Variants in ACSS2 observed in about 807,000 individuals in gnomAD.
ACSS2 encodes acetyl-coenzyme A synthetase, cytoplasmic.
In ACSS2, 58 loss-of-function variants were observed where a neutral mutation model predicts 90.6. The observed-to-expected ratio is 0.64, with a 90% confidence interval of 0.52 to 0.80. The LOEUF is 0.80. ACSS2 is among the 30% of genes least tolerant of loss of function. The probability of loss-of-function intolerance (pLI) is 0.00; values close to 1 mark genes in which losing one functional copy is unlikely to be tolerated. For missense variants in ACSS2, 759 were observed against 912.0 expected, an observed-to-expected ratio of 0.83 and a Z score of 2.16; for synonymous variants, 300 against 330.9, an observed-to-expected ratio of 0.91 and a Z score of 1.01.
intron 7 of ACSS2, among the ~76,000 whole-genome samples, chr20:34,916,957 G>A (rs1272087482): frequency 6.6e-6 from 1 of 152,080 alleles, no homozygotes; most frequent in African/African-American, 2.4e-5. Context: ...CAGAGCCTGG[G>A]GCCTCATAGG....
intron 6 of ACSS2, 46 bp downstream of exon 6, chr20:34,914,217 G>A: frequency 6.2e-7 from 1 of 1,611,976 alleles, no homozygotes; most frequent in Non-Finnish European, 8.5e-7. Context: ...CCTTTCCCCA[G>A]TGCCAGGTTC....
chr20:34,892,668 T>A (rs1293257731), intron 2 of ACSS2, among the ~76,000 whole-genome samples: 1 of 152,244 alleles, frequency 6.6e-6, no homozygotes, highest in African/African-American at 2.4e-5. Flanking sequence ...ATAAAGGGCT[T>A]AGTGCTTGGC....
At chr20:34,903,877 A>C (rs796757833) in intron 2 of ACSS2, among the ~76,000 whole-genome samples, 9 of 147,720 alleles carry the variant, frequency 6.1e-5, no homozygotes, top group African/African-American at 2.1e-4. Context: ...TCTCAAAAAA[A>C]AAAAAAAAAA....
Position 34,913,445 on chromosome 20 carries a change from TGTG to T in ACSS2, c.524_526del (p.Val175del). On this transcript the variant is annotated inframe_deletion, in exon 4 of 18. Coordinates refer to ENST00000360596, the MANE Select transcript of ACSS2 (RefSeq NM_018677.4). The stretch of plus-strand genomic sequence containing the variant: ...TCTACATGCCTATGATCCCAGAGCT[TGTG>T]GTGGCCATGCTGGCATGTGCCCGCA... 6.2e-7 allele frequency: 1 copy of T among 1,613,388 alleles called. No individual in the cohort carries two copies. Among genetic ancestry groups the T allele is most frequent in the African/African-American group, 1.3e-5 (1 of 74,760 alleles).
intron 1 of ACSS2, 53 bp from the exon 2 acceptor site, chr20:34,882,741 G>C: frequency 3.2e-6 from 5 of 1,565,174 alleles, no homozygotes; most frequent in Non-Finnish European, 4.4e-6. Context: ...GCCTTCTGAG[G>C]CTAAATATGT....
At chr20:34,884,197 C>T (rs1300203521) in intron 2 of ACSS2, among the ~76,000 whole-genome samples, 8 of 152,244 alleles carry the variant, frequency 5.3e-5, no homozygotes, top group East Asian at 3.9e-4. Flanking sequence ...TGAACTCAAG[C>T]GATCCACCTG....
rs1333937477 is a variant in ACSS2 at position 34,921,357 on chromosome 20, A to C, written c.1305A>C (p.Leu435Phe). Residue 435 changes from leucine to phenylalanine, a missense_variant, in exon 11 of 18, where the codon TTA (leucine) becomes TTC (phenylalanine). Physicochemically the swap from Leu to Phe is conservative, Grantham distance 22 (BLOSUM62 0). Coordinates refer to ENST00000360596, the MANE Select transcript of ACSS2 (RefSeq NM_018677.4). Reference sequence around the variant, plus strand: ...ATAGCCGGGCATCCTTGCAGGTGTTAGGCACAGTGGGTGAACCCATCAACC... The same window carrying C: ...ATAGCCGGGCATCCTTGCAGGTGTTCGGCACAGTGGGTGAACCCATCAACC... ...TKHSRASLQV[L>F]GTVGEPINPE... The C allele has an allele frequency of 6.2e-7, 1 of 1,614,054 alleles. No homozygotes were observed. Among genetic ancestry groups the C allele is most frequent in the African/African-American group, 1.3e-5 (1 of 74,930 alleles).
chr20:34,913,970 C>CT, intron 5 of ACSS2, 126 bp from the exon 6 acceptor site: 2 of 1,361,456 alleles, frequency 1.5e-6, no homozygotes, highest in Admixed American at 1.8e-5. Flanking sequence ...AGCTGACCCT[C>CT]TGTCAGCTCG....
At chr20:34,890,505 T>C (rs576223897) in intron 2 of ACSS2, among the ~76,000 whole-genome samples, 2 of 152,220 alleles carry the variant, frequency 1.3e-5, no homozygotes, top group East Asian at 3.9e-4. Context: ...TGGAGGACTG[T>C]CGGGGATTTG....
rs146341009 is a variant in ACSS2, at chr20:34,888,456, C to T, written c.374+5467C>T. On this transcript the variant is annotated intron_variant, in intron 2 of 17. Coordinates refer to ENST00000360596, the MANE Select transcript of ACSS2 (RefSeq NM_018677.4). ...TATTTATATTGGAACAGTGAGAAGA[C>T]CAAGCATGTTTAGAGTAAAAGGTTT... 1.1e-3 allele frequency among the ~76,000 whole-genome samples: 174 copies of T among 152,242 alleles called. 1 individual carries two copies. Among genetic ancestry groups the T allele is most frequent in the African/African-American group, 3.7e-3 (153 of 41,558 alleles).
Position 34,911,721 on chromosome 20 carries a change from G to C in ACSS2, c.375-1375G>C, listed in dbSNP as rs768703589. Among the ~76,000 whole-genome samples, 4 of 152,180 alleles carry C rather than the reference G, an allele frequency of 2.6e-5. No individual in the cohort carries two copies. In the South Asian group the frequency reaches 8.3e-4, roughly 32 times the overall value. ...GCTTATCATAATCTGAAATTATCCT[G>C]GTTATATTTGTTATTTGTTTATTAC... On this transcript the variant is annotated intron_variant, in intron 2 of 17. Coordinates refer to ENST00000360596, the MANE Select transcript of ACSS2 (RefSeq NM_018677.4).
intron 2 of ACSS2, among the ~76,000 whole-genome samples, 188 bp downstream of exon 2, chr20:34,883,177 T>G (rs1366269626): frequency 6.6e-6 from 1 of 152,194 alleles, no homozygotes; most frequent in East Asian, 1.9e-4. Flanking sequence ...CAAAGCCAAG[T>G]GTCCTGACTT....
Position 34,899,411 on chromosome 20 carries a change from T to C in ACSS2, c.375-13685T>C, listed in dbSNP as rs1352637010. Among the ~76,000 whole-genome samples the C allele has an allele frequency of 7.4e-5, 4 of 54,044 alleles. No homozygotes were observed. The East Asian group carries it at 1.2e-3, about 16-fold the overall frequency. The allele number at this position is 54,044 out of a possible 152,430, so 35.5% of individuals were successfully genotyped here. A position where few individuals can be genotyped will look rare whatever the true frequency, so the allele number is the denominator to read the frequency against. On this transcript the variant is annotated intron_variant, in intron 2 of 17. Coordinates refer to ENST00000360596, the MANE Select transcript of ACSS2 (RefSeq NM_018677.4). ...CTTTCTTTCTTTCTTTCCTTCTTTC[T>C]TTCTTTCTTTCTTTCCTTCCTTCCT...
At chr20:34,918,196 C>A (rs1242034104) in intron 7 of ACSS2, among the ~76,000 whole-genome samples, 1 of 152,164 alleles carries the variant, frequency 6.6e-6, no homozygotes, top group African/African-American at 2.4e-5. Context: ...ATACTTTTTT[C>A]TTTTGGTGTT....
chr20:34,920,973 A>G (rs1450745544), intron 9 of ACSS2, 33 bp from the exon 10 acceptor site: 4 of 1,613,386 alleles, frequency 2.5e-6, no homozygotes, highest in South Asian at 2.2e-5. Flanking sequence ...GACTATTAGG[A>G]AAGACTGGGA....
chr20:34,877,818 CAAAAAAAAAAA>C (rs60819156), intron 1 of ACSS2, among the ~76,000 whole-genome samples: 15 of 91,224 alleles, frequency 1.6e-4, no homozygotes, highest in Non-Finnish European at 2.0e-4. Context: ...GACTTTGTCT[CAAAAAAAAAAA>C]AAAAAAAAAA....
At chr20:34,897,214 A>G (rs1024694341) in intron 2 of ACSS2, among the ~76,000 whole-genome samples, 4 of 152,224 alleles carry the variant, frequency 2.6e-5, no homozygotes, top group Non-Finnish European at 5.9e-5. Context: ...TTTTATTGAG[A>G]TATAATTTAT....
chr20:34,899,109 C>T (rs1248691056), intron 2 of ACSS2, among the ~76,000 whole-genome samples: 2 of 152,224 alleles, frequency 1.3e-5, no homozygotes, highest in Non-Finnish European at 2.9e-5. Context: ...GCGGGGCCTG[C>T]CAAGCCCACG....
At position 34,927,345 on chromosome 20, in the gene ACSS2, A is replaced by G. The variant is rs2081343387; in HGVS notation, c.*131A>G. 1 of 1,269,894 alleles carries G rather than the reference A, an allele frequency of 7.9e-7. No individual in the cohort carries two copies. Among genetic ancestry groups the G allele is most frequent in the Admixed American group, 1.9e-5 (1 of 52,432 alleles). 78.7% of individuals were successfully genotyped at this position (1,269,894 alleles called of 1,614,324 possible). ...CTTGACCAGCTGTCTGGGACCGGAA[A>G]CCAGCTTTGTCTCCAGGTAGAGACA... is the stretch of plus-strand genomic sequence containing the variant. On this transcript the variant is annotated 3_prime_UTR_variant, in exon 18 of 18. Transcript: ENST00000360596. This position sits in a 1 kb window ranked among gnomAD's most constrained non-coding sequence, Gnocchi z 4.2.
Sources: allele counts gnomAD v4.1 joint callset (sites outside exome capture counted in the v4.1 genomes callset), GRCh38; gene constraint gnomAD v4.1.1; non-coding constraint Gnocchi (gnomAD v3.1); transcripts MANE v1.5; gene names NCBI Gene and HGNC (gene_info 2026-07-23, HGNC 2026-07-21).